NKAIN3: variants seen among roughly 807,000 people sequenced by gnomAD.
The protein encoded by NKAIN3 is sodium/potassium transporting ATPase interacting 3, also known as sodium/potassium-transporting ATPase subunit beta-1-interacting protein 3.
NKAIN3 carries 25 observed loss-of-function variants against 30.2 expected under a neutral mutation model. The ratio of observed to expected loss-of-function variants is 0.83; its 90% confidence interval spans 0.60 to 1.16. The LOEUF (loss-of-function observed/expected upper bound fraction) is 1.16, where lower values mean the gene tolerates loss of function less well. Ranked by LOEUF, NKAIN3 falls within the 50% of genes most tolerant of loss-of-function variation. The probability of loss-of-function intolerance (pLI) is 0.00; values close to 1 mark genes in which losing one functional copy is unlikely to be tolerated. For synonymous variants in NKAIN3, 91 were observed against 89.6 expected (o/e 1.02, Z -0.09); for missense variants, 225 against 254.1 (o/e 0.89, Z 0.78).
chr8:62,812,817 C>T (rs1030881849), intron 4 of NKAIN3, among the ~76,000 whole-genome samples: 1 of 151,822 alleles, frequency 6.6e-6, no homozygotes, highest in African/African-American at 2.4e-5. Context: ...TTAACTGCCT[C>T]ATGTTATTGT....
At chr8:62,476,564 C>A (rs952514659) in intron 1 of NKAIN3, among the ~76,000 whole-genome samples, 7 of 151,962 alleles carry the variant, frequency 4.6e-5, no homozygotes, top group Admixed American at 1.3e-4. Context: ...TCAAGCGATT[C>A]TCTTGCCTCA....
chr8:62,499,303 G>A lies in NKAIN3; in HGVS notation c.55-80236G>A, dbSNP rs78989731. ...TGCTGCCTTTCTAGGATGGAATGCC[G>A]TTGAATGATTCCCAAAACCAACTTC... On this transcript the variant is annotated intron_variant, in intron 1 of 6. Transcript: ENST00000623646. Among the ~76,000 whole-genome samples, 1,057 of 152,164 alleles carry A rather than the reference G, an allele frequency of 6.9e-3. 29 individuals carry two copies. The highest frequency in any genetic ancestry group is 0.054 in the East Asian group (281 of 5,160).
At chr8:62,952,811 G>T (rs1459122407) in intron 5 of NKAIN3, among the ~76,000 whole-genome samples, 1 of 152,108 alleles carries the variant, frequency 6.6e-6, no homozygotes, top group African/African-American at 2.4e-5. Flanking sequence ...CACAAGAATT[G>T]ATTTTTTAAT....
rs61217880 is a variant in NKAIN3, at chr8:62,322,851, A to C, written c.54+73724A>C. 9.0e-3 allele frequency among the ~76,000 whole-genome samples: 1,365 copies of C among 152,324 alleles called. 30 individuals are homozygous for C. The highest frequency in any genetic ancestry group is 0.031 in the African/African-American group (1,289 of 41,564). The stretch of plus-strand genomic sequence containing the variant: ...ATGACTCTGAAAACTCAACAATGGG[A>C]AAAAGATGTGAACAGGTTTCTCACC... On this transcript the variant is annotated intron_variant, in intron 1 of 6. Coordinates refer to ENST00000623646, the MANE Select transcript of NKAIN3 (RefSeq NM_001304533.3).
intron 1 of NKAIN3, among the ~76,000 whole-genome samples, chr8:62,393,842 T>A (rs1199033391): frequency 6.6e-6 from 1 of 152,172 alleles, no homozygotes; most frequent in Non-Finnish European, 1.5e-5. Context: ...AGAGTTTTTC[T>A]TTTTATGGTA....
chr8:62,831,091 T>G (rs560578624), intron 4 of NKAIN3, among the ~76,000 whole-genome samples: 1 of 152,118 alleles, frequency 6.6e-6, no homozygotes, highest in Non-Finnish European at 1.5e-5. Flanking sequence ...GCGCCATCAG[T>G]TGGCCTGTAG....
chr8:62,597,713 G>A (rs1480191), intron 3 of NKAIN3, among the ~76,000 whole-genome samples: 70,650 of 151,520 alleles, frequency 0.47, 18,125 homozygotes, highest in Non-Finnish European at 0.58. Flanking sequence ...CATCATTTTC[G>A]GCACATACTA....
chr8:62,825,632 T>C (rs188670921), intron 4 of NKAIN3, among the ~76,000 whole-genome samples: 6 of 152,304 alleles, frequency 3.9e-5, no homozygotes, highest in Non-Finnish European at 8.8e-5. Flanking sequence ...ACAATCAGAA[T>C]TACCCAGAGG....
chr8:62,812,113 G>T (rs1818505741), intron 4 of NKAIN3, among the ~76,000 whole-genome samples: 1 of 151,844 alleles, frequency 6.6e-6, no homozygotes, highest in South Asian at 2.1e-4. Flanking sequence ...ACATTGAATT[G>T]CTTGTGCACC....
At chr8:62,710,828 A>T (rs1814691054) in intron 3 of NKAIN3, among the ~76,000 whole-genome samples, 1 of 151,378 alleles carries the variant, frequency 6.6e-6, no homozygotes, top group African/African-American at 2.4e-5. Context: ...TTTTTGTTTG[A>T]TAGGTCCTGT....
chr8:62,672,493 C>G (rs1285822581), intron 3 of NKAIN3, among the ~76,000 whole-genome samples: 4 of 152,196 alleles, frequency 2.6e-5, no homozygotes, highest in Non-Finnish European at 4.4e-5. Context: ...AGAAAAGCCA[C>G]ATTATTATCA....
intron 1 of NKAIN3, among the ~76,000 whole-genome samples, chr8:62,375,856 A>T (rs1021933306): frequency 6.6e-6 from 1 of 152,196 alleles, no homozygotes; most frequent in African/African-American, 2.4e-5. Flanking sequence ...ACAGACTTTG[A>T]TGCTGCTGTT....
In NKAIN3 at chr8:62,966,139, C is replaced by T. The variant is rs1823705985; in HGVS notation, c.*732C>T. 7.1e-6 allele frequency: 7 copies of T among 985,112 alleles called. No homozygotes were observed. Among genetic ancestry groups the T allele is most frequent in the African/African-American group, 1.7e-5 (1 of 57,202 alleles). 61.0% of individuals were successfully genotyped at this position (985,112 alleles called of 1,614,324 possible). ...GTCTCTGAGGTCCATATTTTCTACT[C>T]ATTATTCCATTCCTGACACTGCTGT... is the stretch of plus-strand genomic sequence containing the variant. On this transcript the variant is annotated 3_prime_UTR_variant, in exon 7 of 7. Coordinates refer to ENST00000623646, the MANE Select transcript of NKAIN3 (RefSeq NM_001304533.3).
At chr8:62,769,534 A>G (rs1465564302) in intron 4 of NKAIN3, among the ~76,000 whole-genome samples, 2 of 152,348 alleles carry the variant, frequency 1.3e-5, no homozygotes, top group East Asian at 3.9e-4. Flanking sequence ...CAATGAATTG[A>G]CAAGCTAATG....
chr8:62,988,112 TG>T (rs1267692716), downstream of NKAIN3, among the ~76,000 whole-genome samples: 1 of 152,210 alleles, frequency 6.6e-6, no homozygotes, highest in Non-Finnish European at 1.5e-5. Flanking sequence ...CAGGTCACAG[TG>T]ATGCAAGAGG....
At chr8:62,700,369 C>T (rs1003510690) in intron 3 of NKAIN3, among the ~76,000 whole-genome samples, 4 of 152,194 alleles carry the variant, frequency 2.6e-5, no homozygotes, top group African/African-American at 9.7e-5. Flanking sequence ...AACACTGGTG[C>T]TTTCGGTCAG....
chr8:62,741,592 A>G (rs1198606732), intron 3 of NKAIN3, among the ~76,000 whole-genome samples: 5 of 152,184 alleles, frequency 3.3e-5, no homozygotes, highest in South Asian at 2.1e-4. Context: ...ACTAACCCTT[A>G]TCTTCCTAGC....
chr8:62,253,084 G>A (rs975325456), intron 1 of NKAIN3, among the ~76,000 whole-genome samples: 4 of 152,072 alleles, frequency 2.6e-5, no homozygotes, highest in African/African-American at 7.2e-5. Context: ...ACACATCTTC[G>A]TCTCAGGATG....
chr8:62,322,618 T>C (rs1294151501), intron 1 of NKAIN3, among the ~76,000 whole-genome samples: 1 of 152,256 alleles, frequency 6.6e-6, no homozygotes, highest in Non-Finnish European at 1.5e-5. Context: ...TGGAAAACCA[T>C]GTTAAATGGG....
Sources: gnomAD v4.1 joint callset for allele counts (sites outside exome capture counted in the v4.1 genomes callset) on GRCh38, gnomAD v4.1.1 for gene constraint, MANE v1.5 for transcripts, NCBI Gene and HGNC (gene_info 2026-07-23, HGNC 2026-07-21) for gene names.